MTX2: variants seen among roughly 807,000 people sequenced by gnomAD.
MTX2 encodes metaxin 2, also known as metaxin-2.
In MTX2, 35 loss-of-function variants were observed where a neutral mutation model predicts 42.3. That is an observed-to-expected ratio of 0.83 (90% CI 0.63 to 1.10). MTX2 has a LOEUF of 1.10. Ranked by LOEUF, MTX2 falls within the 50% of genes least tolerant of loss-of-function variation. The probability of loss-of-function intolerance (pLI) is 0.00; values close to 1 mark genes in which losing one functional copy is unlikely to be tolerated. For missense variants in MTX2, 307 were observed against 304.1 expected, an observed-to-expected ratio of 1.01 and a Z score of -0.07; for synonymous variants, 119 against 100.9, an observed-to-expected ratio of 1.18 and a Z score of -1.08.
chr2:176,277,111 A>G (rs541691283), intron 1 of MTX2, among the ~76,000 whole-genome samples: 1 of 152,214 alleles, frequency 6.6e-6, no homozygotes, highest in Non-Finnish European at 1.5e-5. Flanking sequence ...GCATCTTGAA[A>G]GTGTGATTAA....
intron 7 of MTX2, 64 bp downstream of exon 7, chr2:176,328,976 C>A: frequency 1.5e-6 from 2 of 1,354,534 alleles, no homozygotes; most frequent in Non-Finnish European, 2.1e-6. Context: ...TGCTCAGAAT[C>A]GCAAGTCCCT....
intron 9 of MTX2, among the ~76,000 whole-genome samples, chr2:176,336,245 A>G (rs1239870526): frequency 6.6e-6 from 1 of 152,116 alleles, no homozygotes; most frequent in Non-Finnish European, 1.5e-5. Context: ...GTGATGCCCC[A>G]TTTATAGATC....
chr2:176,311,739 G>A (rs997233347), intron 3 of MTX2, among the ~76,000 whole-genome samples: 11 of 152,232 alleles, frequency 7.2e-5, no homozygotes, highest in Admixed American at 1.3e-4. Context: ...CTTGTCTGCC[G>A]GTTGCTAAGA....
chr2:176,319,328 C>T (rs1168415978), intron 3 of MTX2, among the ~76,000 whole-genome samples: 1 of 152,076 alleles, frequency 6.6e-6, no homozygotes, highest in Non-Finnish European at 1.5e-5. Context: ...TGAGCCTCTC[C>T]AGTGTTTTCT....
chr2:176,270,391 G>T, intron 1 of MTX2: 2 of 1,363,690 alleles, frequency 1.5e-6, no homozygotes, highest in Non-Finnish European at 2.0e-6. Flanking sequence ...CTTTTGAGTC[G>T]GTGGACTGAA....
rs142398641 is a variant in MTX2, at chr2:176,272,391, A to C, written c.40+2722A>C. Among the ~76,000 whole-genome samples the C allele has an allele frequency of 6.1e-3, 922 of 152,300 alleles. 6 individuals carry two copies. The highest frequency in any genetic ancestry group is 9.5e-3 in the Non-Finnish European group (646 of 68,020). On this transcript the variant is annotated intron_variant, in intron 1 of 9. Coordinates refer to ENST00000249442, the MANE Select transcript of MTX2 (RefSeq NM_006554.5). ...TAATAATAATGTATTATATATTTCA[A>C]AATTGCTAAAGGCTTAGATTTATAA...
At chr2:176,313,814 A>G (rs750808411) in intron 3 of MTX2, among the ~76,000 whole-genome samples, 5 of 152,154 alleles carry the variant, frequency 3.3e-5, no homozygotes, top group Non-Finnish European at 7.4e-5. Flanking sequence ...GTATTCTGTT[A>G]GGATCCATTA....
At chr2:176,295,377 A>T (rs968908327) in intron 1 of MTX2, among the ~76,000 whole-genome samples, 4 of 152,152 alleles carry the variant, frequency 2.6e-5, no homozygotes, top group African/African-American at 9.7e-5. Context: ...GGCTAATGTC[A>T]GCTTGTTTTT....
rs988309316 is a variant in MTX2 at position 176,337,607 on chromosome 2, C to T, written c.735C>T (p.Phe245=). ...KVKNYSNLLA[F]CRRIEQHYFE... The stretch of plus-strand genomic sequence containing the variant: ...AAAACTATAGCAACCTCCTTGCTTT[C>T]TGTAGGAGAATTGAACAGCACTATT... Residue 245 remains phenylalanine, a synonymous_variant, in exon 10 of 10, where the codon TTC becomes TTT. Coordinates refer to ENST00000249442, the MANE Select transcript of MTX2 (RefSeq NM_006554.5). The T allele has an allele frequency of 6.8e-6, 11 of 1,613,276 alleles. No homozygotes were observed. The highest frequency in any genetic ancestry group is 2.2e-5 in the East Asian group (1 of 44,834).
At chr2:176,274,588 A>T (rs1341791685) in intron 1 of MTX2, among the ~76,000 whole-genome samples, 1 of 152,152 alleles carries the variant, frequency 6.6e-6, no homozygotes, top group Non-Finnish European at 1.5e-5. Flanking sequence ...ACACAAACAC[A>T]TGGCAAAGAA....
intron 1 of MTX2, 112 bp downstream of exon 1, chr2:176,269,781 C>T (rs1692751603): frequency 1.1e-5 from 14 of 1,293,978 alleles, no homozygotes; most frequent in Admixed American, 2.8e-5. Flanking sequence ...CTGAACCCGG[C>T]CCGGATGGTG....
intron 3 of MTX2, 48 bp downstream of exon 3, chr2:176,297,943 G>A: frequency 1.4e-6 from 2 of 1,398,964 alleles, no homozygotes; most frequent in Non-Finnish European, 9.7e-7. Flanking sequence ...TAGGTGGTTT[G>A]CATCATTTTG....
intron 1 of MTX2, among the ~76,000 whole-genome samples, chr2:176,295,171 ATATT>A (rs943027085): frequency 5.3e-5 from 8 of 152,266 alleles, no homozygotes; most frequent in East Asian, 1.9e-4. Flanking sequence ...CTTGATTTCA[ATATT>A]TATTCTTTGA....
At chr2:176,270,906 C>T (rs1017047467) in intron 1 of MTX2, among the ~76,000 whole-genome samples, 1 of 152,010 alleles carries the variant, frequency 6.6e-6, no homozygotes, top group Non-Finnish European at 1.5e-5. Context: ...TCTGCTTTTA[C>T]CATTTATGTT....
At chr2:176,317,767 C>T (rs960594842) in intron 3 of MTX2, among the ~76,000 whole-genome samples, 1 of 152,102 alleles carries the variant, frequency 6.6e-6, no homozygotes, top group Non-Finnish European at 1.5e-5. Flanking sequence ...TTCAGAGTGG[C>T]ACCTCACCCA....
chr2:176,290,729 C>T (rs747380438), intron 1 of MTX2, among the ~76,000 whole-genome samples: 82 of 149,808 alleles, frequency 5.5e-4, no homozygotes, highest in Non-Finnish European at 1.1e-3. Flanking sequence ...CAACTTTGGG[C>T]ACTCCTAGGG....
At chr2:176,331,542 G>A (rs1238679955) in intron 9 of MTX2, among the ~76,000 whole-genome samples, 1 of 150,954 alleles carries the variant, frequency 6.6e-6, no homozygotes, top group Non-Finnish European at 1.5e-5. Flanking sequence ...TAGTAAAAAT[G>A]GCTATGATGA....
chr2:176,289,020 A>G (rs1693269647), intron 1 of MTX2, among the ~76,000 whole-genome samples: 2 of 152,104 alleles, frequency 1.3e-5, no homozygotes, highest in Admixed American at 1.3e-4. Context: ...CAAGTAATAT[A>G]TAAAGTCTTT....
At chr2:176,296,290 A>G (rs565594922) in intron 1 of MTX2, among the ~76,000 whole-genome samples, 58 of 152,280 alleles carry the variant, frequency 3.8e-4, no homozygotes, top group African/African-American at 1.3e-3. Flanking sequence ...TGGTAGGGTC[A>G]AGGCAATGAA....
Sources: gnomAD v4.1 joint callset for allele counts (sites outside exome capture counted in the v4.1 genomes callset) on GRCh38, gnomAD v4.1.1 for gene constraint, MANE v1.5 for transcripts, NCBI Gene and HGNC (gene_info 2026-07-23, HGNC 2026-07-21) for gene names.